Variants in HMCN1 observed in about 807,000 individuals in gnomAD.
HMCN1 encodes hemicentin-1.
In HMCN1, 321 loss-of-function variants were observed where a neutral mutation model predicts 625.9. The observed-to-expected ratio is 0.51, with a 90% CI of 0.47 to 0.56. HMCN1 has a LOEUF of 0.56. Among genes scored for constraint, HMCN1 ranks in the 20% least tolerant of loss-of-function variants. HMCN1 has a pLI of 0.00. For synonymous variants in HMCN1, 2,425 were observed against 2,417.6 expected (o/e 1.00, Z -0.09); for missense variants, 6,588 against 6,887.3 (o/e 0.96, Z 1.54).
At chr1:186,045,980 TTCTAGGAAC>T (rs1161090519) in intron 41 of HMCN1, 117 bp downstream of exon 41, 11 of 757,054 alleles carry the variant, frequency 1.5e-5, no homozygotes, top group Admixed American at 2.7e-5. Flanking sequence ...TCTTACAAAA[TTCTAGGAAC>T]CCTTTTATTG....
intron 15 of HMCN1, among the ~76,000 whole-genome samples, chr1:185,972,074 T>C (rs1650872086): frequency 6.6e-6 from 1 of 152,216 alleles, no homozygotes; most frequent in South Asian, 2.1e-4. Context: ...ACAAGAAATA[T>C]ACTGAGTACA....
At chr1:186,151,009 A>G (rs1225752591) in intron 93 of HMCN1, among the ~76,000 whole-genome samples, 191 bp from the exon 94 acceptor site, 1 of 152,096 alleles carries the variant, frequency 6.6e-6, no homozygotes, top group Non-Finnish European at 1.5e-5. Context: ...TTTATGGGTG[A>G]TGATGGTTGT....
At chr1:185,858,058 C>T (rs1398212215) in intron 2 of HMCN1, among the ~76,000 whole-genome samples, 2 of 152,188 alleles carry the variant, frequency 1.3e-5, no homozygotes, top group Non-Finnish European at 2.9e-5. Flanking sequence ...AAGTTCAAAT[C>T]TCTGCTTTTT....
chr1:186,136,554 T>G (rs1193269006), intron 86 of HMCN1, 114 bp from the exon 87 acceptor site: 27 of 926,554 alleles, frequency 2.9e-5, no homozygotes, highest in Non-Finnish European at 4.4e-5. Flanking sequence ...GAAGCAACAG[T>G]GTTTTATAAA....
intron 103 of HMCN1, 22 bp from the exon 104 acceptor site, chr1:186,178,394 T>C (rs778461565): frequency 6.4e-7 from 1 of 1,569,628 alleles, no homozygotes; most frequent in Admixed American, 1.7e-5. Flanking sequence ...TTTTTCTTTT[T>C]TATATCATGG....
chr1:185,830,267 C>A (rs1464680741), intron 1 of HMCN1, among the ~76,000 whole-genome samples: 1 of 152,024 alleles, frequency 6.6e-6, no homozygotes, highest in Non-Finnish European at 1.5e-5. Context: ...TATCATGTGT[C>A]AATTTTGGCT....
Position 186,023,171 on chromosome 1 carries a change from C to T in HMCN1, c.5749+18C>T, listed in dbSNP as rs1192595208. On this transcript the variant is annotated intron_variant, in intron 36 of 106. Transcript: ENST00000271588. Reference sequence around the variant, plus strand: ...TGTTCATGGTAATGTAATTTCTACACCTTAACAAAAGAATATTTGTATCAC... The same window carrying T: ...TGTTCATGGTAATGTAATTTCTACATCTTAACAAAAGAATATTTGTATCAC... The T allele has an allele frequency of 1.9e-6, 3 of 1,607,638 alleles. No individual in the cohort carries two copies. The highest frequency in any genetic ancestry group is 1.7e-5 in the Admixed American group (1 of 59,882).
chr1:185,889,419 C>T (rs2102407614), intron 4 of HMCN1, among the ~76,000 whole-genome samples: 1 of 147,708 alleles, frequency 6.8e-6, no homozygotes, highest in Admixed American at 6.6e-5. Context: ...CAGTTTTTGT[C>T]CATTCAGTAT....
intron 1 of HMCN1, among the ~76,000 whole-genome samples, chr1:185,827,558 T>C (rs1158458305): frequency 6.6e-6 from 1 of 151,790 alleles, no homozygotes; most frequent in Non-Finnish European, 1.5e-5. Context: ...ATGAGGAAAG[T>C]GAGCAAAATG....
intron 1 of HMCN1, among the ~76,000 whole-genome samples, chr1:185,787,609 C>T (rs943397553): frequency 6.6e-6 from 1 of 152,108 alleles, no homozygotes; most frequent in African/African-American, 2.4e-5. Context: ...TTCTGGCTCC[C>T]CATCTTCCAG....
chr1:185,946,627 T>A (rs1327293293), intron 11 of HMCN1, among the ~76,000 whole-genome samples: 1 of 152,218 alleles, frequency 6.6e-6, no homozygotes, highest in Non-Finnish European at 1.5e-5. Flanking sequence ...GTTGAAAGTT[T>A]TCTAAGTGAG....
intron 97 of HMCN1, among the ~76,000 whole-genome samples, chr1:186,160,008 C>T (rs978762150): frequency 2.7e-5 from 4 of 150,732 alleles, no homozygotes; most frequent in African/African-American, 9.7e-5. Context: ...ACCAGTTCCT[C>T]CTTGTACCTC....
In HMCN1 at chr1:185,995,062, A is replaced by C. The variant is rs1244814433; in HGVS notation, c.3753A>C (p.Glu1251Asp). 6.2e-7 allele frequency: 1 copy of C among 1,613,756 alleles called. No homozygotes were observed. The highest frequency in any genetic ancestry group is 1.1e-5 in the South Asian group (1 of 91,070). ...CTACTAACATAGCAGGCACTGATGA[A>C]ACAGAGATAACGCTACATGTCCAAG... ...CVATNIAGTD[E>D]TEITLHVQEP... The change falls in exon 24 of 107, where the codon GAA becomes GAC. Residue 1251 changes from glutamate to aspartate, a missense_variant. Coordinates refer to ENST00000271588, the MANE Select transcript of HMCN1 (RefSeq NM_031935.3).
At chr1:185,843,281 T>C (rs1275526063) in intron 1 of HMCN1, among the ~76,000 whole-genome samples, 1 of 152,136 alleles carries the variant, frequency 6.6e-6, no homozygotes, top group East Asian at 1.9e-4. Flanking sequence ...TTAACAAAGA[T>C]AAGGTTTAAA....
intron 98 of HMCN1, among the ~76,000 whole-genome samples, 176 bp from the exon 99 acceptor site, chr1:186,166,008 C>G (rs1651856085): frequency 6.6e-6 from 1 of 152,188 alleles, no homozygotes; most frequent in Non-Finnish European, 1.5e-5. Context: ...AAGGATAACT[C>G]AGATGCCTCA....
At position 186,130,093 on chromosome 1, in the gene HMCN1, T is replaced by C. The variant is rs548040245; in HGVS notation, c.13032T>C (p.Tyr4344=). The change falls in exon 84 of 107, where the codon TAT becomes TAC. Residue 4344 remains tyrosine (Y), a synonymous_variant. Transcript: ENST00000271588. The part of the protein sequence containing the change: ...VGFVKAIGFV[Y]VKEPPVFKGD... ...TTGTGAAGGCAATTGGATTTGTTTA[T>C]GTGAAAGGTAGGGAAAAGCGCTCCA... 2.5e-6 allele frequency: 4 copies of C among 1,613,150 alleles called. No individual in the cohort carries two copies. The highest frequency in any genetic ancestry group is 4.5e-5 in the East Asian group (2 of 44,852).
At chr1:185,938,401 C>T (rs1241641960) in intron 11 of HMCN1, among the ~76,000 whole-genome samples, 1 of 152,078 alleles carries the variant, frequency 6.6e-6, no homozygotes, top group Non-Finnish European at 1.5e-5. Flanking sequence ...TTGTGTCTGA[C>T]TTCTTATGCT....
At chr1:185,985,432 C>G (rs908229488) in intron 19 of HMCN1, among the ~76,000 whole-genome samples, 2 of 151,848 alleles carry the variant, frequency 1.3e-5, no homozygotes, top group African/African-American at 4.8e-5. Flanking sequence ...TAGTGACTGC[C>G]TAGAATATTG....
At chr1:186,125,128 AT>A (rs1553300987) in intron 81 of HMCN1, among the ~76,000 whole-genome samples, 3 of 151,496 alleles carry the variant, frequency 2.0e-5, no homozygotes, top group Admixed American at 6.6e-5. Context: ...TGCAATAAGT[AT>A]TTTTTTTTCT....
Sources: allele counts gnomAD v4.1 joint callset (sites outside exome capture counted in the v4.1 genomes callset), GRCh38; gene constraint gnomAD v4.1.1; transcripts MANE v1.5; gene names NCBI Gene and HGNC (gene_info 2026-07-23, HGNC 2026-07-21).